The following FCSK variants were observed in gnomAD, a reference collection of about 807,000 sequenced individuals.
The protein encoded by FCSK is L-fucose kinase.
Under a neutral mutation model 122.5 loss-of-function variants are expected in FCSK, and 123 were observed. The observed-to-expected ratio is 1.00, with a 90% CI of 0.87 to 1.17. The LOEUF (loss-of-function observed/expected upper bound fraction) is 1.17, where lower values mean the gene tolerates loss of function less well. Ranked by LOEUF, FCSK falls within the 50% of genes most tolerant of loss-of-function variation. The probability of loss-of-function intolerance (pLI) is 0.00; values close to 1 mark genes in which losing one functional copy is unlikely to be tolerated. For synonymous variants in FCSK, 620 were observed against 625.5 expected (o/e 0.99, Z 0.13); for missense variants, 1,366 against 1,450.4 (o/e 0.94, Z 0.95).
At chr16:70,463,880 T>C (rs976363355) in intron 3 of FCSK, 106 bp downstream of exon 3, 2 of 1,243,352 alleles carry the variant, frequency 1.6e-6, no homozygotes, top group Non-Finnish European at 2.2e-6. Context: ...CAACTCAGCA[T>C]TGGTCTCAGT....
At position 70,458,778 on chromosome 16, in the gene FCSK, C is replaced by A. The variant is rs79338179; in HGVS notation, c.-23+4148C>A. The stretch of plus-strand genomic sequence containing the variant: ...GTGGCTATTATTACTAAAATCATCC[C>A]TCCCTTGTATTTGTTTAGGCTTTGT... On this transcript the variant is annotated intron_variant, in intron 1 of 23. Coordinates refer to ENST00000288078, the MANE Select transcript of FCSK (RefSeq NM_145059.3). 4.0e-3 allele frequency among the ~76,000 whole-genome samples: 604 copies of A among 152,220 alleles called. 3 individuals are homozygous for A. The highest frequency in any genetic ancestry group is 6.5e-3 in the Non-Finnish European group (444 of 68,010).
At chr16:70,466,028 A>G in intron 4 of FCSK, 104 bp from the exon 5 acceptor site, 2 of 1,216,490 alleles carry the variant, frequency 1.6e-6, no homozygotes, top group East Asian at 2.4e-5. Context: ...TCAAGAGAAC[A>G]TTTTTTATCA....
Position 70,475,378 on chromosome 16 carries a change from T to C in FCSK, c.2406T>C (p.Cys802=). The part of the protein sequence containing the change: ...PGALLKAAFI[C]AGIVHVHSEL... ...CCCTGCTGAAGGCGGCCTTCATCTG[T>C]GCAGGGATCGTGCATGTCCACTCGG... Residue 802 remains cysteine, a synonymous_variant, in exon 19 of 24, where the codon TGT becomes TGC. Coordinates refer to ENST00000288078, the MANE Select transcript of FCSK (RefSeq NM_145059.3). 1 of 1,610,910 alleles carries C rather than the reference T, an allele frequency of 6.2e-7. No homozygotes were observed.
chr16:70,478,444 T>C lies in FCSK; in HGVS notation c.2814T>C (p.Ala938=), dbSNP rs2048884294. ...TGTACACTGGCAAGACCCGCCTGGC[T>C]CGGAACCTGCTGCAGGTGAGCTCTG... ...LLVYTGKTRL[A]RNLLQDVLRS... is the part of the protein sequence containing the mutation. The change falls in exon 21 of 24, where the codon GCT becomes GCC. Residue 938 remains alanine, a synonymous_variant. Transcript: ENST00000288078. The C allele has an allele frequency of 1.2e-6, 2 of 1,613,936 alleles. No homozygotes were observed. Among genetic ancestry groups the C allele is most frequent in the Non-Finnish European group, 1.7e-6 (2 of 1,180,032 alleles).
rs1362520272 is a variant in FCSK, at chr16:70,467,293, G to T, written c.485-81G>T. ...AGAGGTGCCCAGGTGCCGCAGCCCT[G>T]GGCTCTTGCTTCCACCTGGTGGGGA... is the stretch of plus-strand genomic sequence containing the variant. On this transcript the variant is annotated intron_variant, in intron 6 of 23. Coordinates refer to ENST00000288078, the MANE Select transcript of FCSK (RefSeq NM_145059.3). 1.5e-5 allele frequency: 15 copies of T among 969,812 alleles called. 1 individual carries two copies. Among genetic ancestry groups the T allele is most frequent in the Middle Eastern group, 5.4e-4 (2 of 3,720 alleles). 60.1% of individuals were successfully genotyped at this position (969,812 alleles called of 1,614,324 possible).
chr16:70,479,688 T>G lies in FCSK; in HGVS notation c.*8T>G. The G allele has an allele frequency of 6.2e-7, 1 of 1,611,768 alleles. No homozygotes were observed. Among genetic ancestry groups the G allele is most frequent in the East Asian group, 2.2e-5 (1 of 44,866 alleles). On this transcript the variant is annotated 3_prime_UTR_variant, in exon 24 of 24. Transcript: ENST00000288078. ...TGTTGCCCTTTCCCATGAAGCTGGCTTCTCTCTGCAACAGGAGAAAACCTG... is the reference window on the plus strand; with the variant it reads ...TGTTGCCCTTTCCCATGAAGCTGGCGTCTCTCTGCAACAGGAGAAAACCTG...
At chr16:70,458,891 T>C (rs2048175275) in intron 1 of FCSK, among the ~76,000 whole-genome samples, 1 of 152,138 alleles carries the variant, frequency 6.6e-6, no homozygotes, top group African/African-American at 2.4e-5. Flanking sequence ...TTTATTGTAG[T>C]GGTTAAGCAA....
At chr16:70,467,212 G>C (rs1208917431) in intron 6 of FCSK, 162 bp from the exon 7 acceptor site, 14 of 628,732 alleles carry the variant, frequency 2.2e-5, no homozygotes, top group Non-Finnish European at 3.6e-5. Flanking sequence ...GGGAGAGGAG[G>C]GTTGTCATTC....
At chr16:70,466,616 G>A in intron 5 of FCSK, 1 of 526,904 alleles carries the variant, frequency 1.9e-6, no homozygotes, top group East Asian at 3.2e-5. Context: ...AAGATCGCTT[G>A]AGCCCAGGAG....
chr16:70,478,797 G>C, intron 22 of FCSK, 147 bp downstream of exon 22: 2 of 746,090 alleles, frequency 2.7e-6, no homozygotes, highest in Non-Finnish European at 2.4e-6. Flanking sequence ...TCCTCTCCAG[G>C]GTCTCACATT....
chr16:70,459,916 C>T (rs2048210318), intron 1 of FCSK, among the ~76,000 whole-genome samples: 1 of 151,572 alleles, frequency 6.6e-6, no homozygotes, highest in Non-Finnish European at 1.5e-5. Flanking sequence ...ATTCTCCTGT[C>T]TCAGCCTCCC....
At position 70,475,090 on chromosome 16, in the gene FCSK, G is replaced by A. The variant is rs973056997; in HGVS notation, c.2377+79G>A. 1.1e-5 allele frequency: 15 copies of A among 1,358,704 alleles called. No homozygotes were observed. In the African/African-American group the frequency reaches 2.0e-4, roughly 18 times the overall value. The allele number at this position is 1,358,704 out of a possible 1,614,324, so 84.2% of individuals were successfully genotyped here. The stretch of plus-strand genomic sequence containing the variant: ...CAGAAGCTAGAGACTGCAGGCCAGT[G>A]GGGTCTGGCCTGAGGGCCAGCCAGT... On this transcript the variant is annotated intron_variant, in intron 18 of 23. Coordinates refer to ENST00000288078, the MANE Select transcript of FCSK (RefSeq NM_145059.3).
At chr16:70,463,559 C>T (rs947960803) in intron 2 of FCSK, 64 bp from the exon 3 acceptor site, 39 of 1,587,804 alleles carry the variant, frequency 2.5e-5, no homozygotes, top group Middle Eastern at 4.0e-4. Flanking sequence ...AGTAGGCTTG[C>T]TTACGTGCTT....
chr16:70,473,224 T>C lies in FCSK; in HGVS notation c.1648T>C (p.Phe550Leu). ...CACGCTGGCCTCTCGCCGGGACCTG[T>C]TCTTCCGCCAGGCCCTGCATAAGGC... Reference protein sequence around the residue: ...AATLASRRDLFFRQALHKARH... With the variant: ...AATLASRRDLLFRQALHKARH... The change falls in exon 15 of 24, where the codon TTC becomes CTC. Residue 550 changes from phenylalanine to leucine, a missense_variant. By Grantham distance (22) the Phe-to-Leu change is conservative (BLOSUM62 0). Coordinates refer to ENST00000288078, the MANE Select transcript of FCSK (RefSeq NM_145059.3). This position sits in a 1 kb window ranked among gnomAD's most constrained non-coding sequence, Gnocchi z 4.9. 6.5e-7 allele frequency: 1 copy of C among 1,535,780 alleles called. No homozygotes were observed. Among genetic ancestry groups the C allele is most frequent in the South Asian group, 1.2e-5 (1 of 83,930 alleles).
Position 70,475,762 on chromosome 16 carries a change from C to A in FCSK, c.2636C>A (p.Thr879Asn). Residue 879 changes from threonine (T) to asparagine (N), a missense_variant, in exon 20 of 24, where the codon ACC (threonine) becomes AAC (asparagine). Thr to Asn is a moderately conservative substitution (Grantham distance 65). Coordinates refer to ENST00000288078, the MANE Select transcript of FCSK (RefSeq NM_145059.3). ...GTGCTGCACCTGGAGCAGGTGCTCA[C>A]CACTGGTATGTGACTGCCCTGGAGT... is the stretch of plus-strand genomic sequence containing the variant. ...HAVLHLEQVL[T>N]TGGGWQDQVG... is the part of the protein sequence containing the mutation. 6.3e-7 allele frequency: 1 copy of A among 1,577,420 alleles called. No individual in the cohort carries two copies. Among genetic ancestry groups the A allele is most frequent in the Non-Finnish European group, 8.6e-7 (1 of 1,159,428 alleles).
At chr16:70,461,882 G>A (rs13332431) in intron 1 of FCSK, among the ~76,000 whole-genome samples, 25,852 of 152,212 alleles carry the variant, frequency 0.17, 7,262 homozygotes, top group African/African-American at 0.58. Context: ...GTGTCCACCT[G>A]GGGAGATGAA....
chr16:70,465,122 G>T lies in FCSK; in HGVS notation c.235-4G>T, dbSNP rs753856048. ...CTGTTCACAGGGCTTTCCCACTCCT[G>T]CAGGTGGTCACATCCGATGTCCTGC... is the stretch of plus-strand genomic sequence containing the variant. On this transcript the variant is annotated splice_polypyrimidine_tract_variant and splice_region_variant and intron_variant, in intron 3 of 23. Coordinates refer to ENST00000288078, the MANE Select transcript of FCSK (RefSeq NM_145059.3). 1 of 1,613,804 alleles carries T rather than the reference G, an allele frequency of 6.2e-7. No homozygotes were observed. The highest frequency in any genetic ancestry group is 1.1e-5 in the South Asian group (1 of 90,940).
rs1161446980 is a variant in FCSK, at chr16:70,475,002, C to T, written c.2368C>T (p.His790Tyr). 1.2e-6 allele frequency: 2 copies of T among 1,600,782 alleles called. No individual in the cohort carries two copies. Among genetic ancestry groups the T allele is most frequent in the Non-Finnish European group, 1.7e-6 (2 of 1,175,340 alleles). ...TGACCTGCGGGACTACTGCCAGCCT[C>T]ATGCCCCAGGTCAGGCACCCTGGGA... ...LADLRDYCQP[H>Y]APGALLKAAF... Residue 790 changes from histidine (H) to tyrosine (Y), a missense_variant, in exon 18 of 24, where the codon CAT becomes TAT. His to Tyr is a moderately conservative substitution (Grantham distance 83, BLOSUM62 2). Transcript: ENST00000288078.
chr16:70,474,083 G>T, intron 15 of FCSK, 46 bp from the exon 16 acceptor site: 2 of 1,524,236 alleles, frequency 1.3e-6, no homozygotes, highest in South Asian at 1.2e-5. Context: ...AGAGGATTTT[G>T]AAGACAGGCC....
Sources: allele counts gnomAD v4.1 joint callset (sites outside exome capture counted in the v4.1 genomes callset), GRCh38; gene constraint gnomAD v4.1.1; non-coding constraint Gnocchi (gnomAD v3.1); transcripts MANE v1.5; gene names NCBI Gene and HGNC (gene_info 2026-07-23, HGNC 2026-07-21).